Variants in ZNF831 observed in about 807,000 individuals in gnomAD.
ZNF831 encodes zinc finger protein 831.
Under a neutral mutation model 95.8 loss-of-function variants are expected in ZNF831, and 59 were observed. The observed-to-expected ratio is 0.62, with a 90% CI of 0.50 to 0.77. ZNF831 has a LOEUF of 0.77. Among genes scored for constraint, ZNF831 ranks in the 30% least tolerant of loss-of-function variants. The pLI, the probability that ZNF831 is intolerant of heterozygous loss-of-function variation, is 0.00. For synonymous variants in ZNF831, 961 were observed against 925.5 expected, an observed-to-expected ratio of 1.04 and a Z score of -0.70; for missense variants, 2,205 against 2,164.0, an observed-to-expected ratio of 1.02 and a Z score of -0.38.
upstream of ZNF831, among the ~76,000 whole-genome samples, chr20:59,159,421 C>A (rs959231449): frequency 2.6e-5 from 4 of 152,138 alleles, no homozygotes; most frequent in African/African-American, 7.2e-5. Context: ...CATGGATAAT[C>A]AAAAACGGGG....
chr20:59,176,847 T>TA (rs1982204872), intron 1 of ZNF831, among the ~76,000 whole-genome samples: 1 of 152,228 alleles, frequency 6.6e-6, no homozygotes, highest in African/African-American at 2.4e-5. Context: ...CCATCATCAA[T>TA]ACAATATTCT....
chr20:59,221,799 T>A (rs1986091848), intron 4 of ZNF831, among the ~76,000 whole-genome samples: 2 of 152,208 alleles, frequency 1.3e-5, no homozygotes, highest in East Asian at 1.9e-4. Flanking sequence ...ACATTAGCGA[T>A]CATTTTCAGT....
intron 1 of ZNF831, among the ~76,000 whole-genome samples, chr20:59,140,429 A>G (rs913812981): frequency 6.6e-6 from 1 of 152,348 alleles, no homozygotes; most frequent in African/African-American, 2.4e-5. Flanking sequence ...CCATGGGAAC[A>G]GTAAACCACA....
intron 2 of ZNF831, among the ~76,000 whole-genome samples, chr20:59,153,113 C>T (rs1239229825): frequency 2.6e-5 from 4 of 152,014 alleles, no homozygotes; most frequent in Non-Finnish European, 5.9e-5. Flanking sequence ...ATCCTCAGTC[C>T]AACAGACTCA....
chr20:59,144,575 T>C (rs926219903), intron 1 of ZNF831, among the ~76,000 whole-genome samples: 10 of 152,222 alleles, frequency 6.6e-5, no homozygotes, highest in Middle Eastern at 3.2e-3. Context: ...TTAACCCATT[T>C]TCATATGAGG....
In ZNF831 at chr20:59,192,831, C is replaced by A. The variant is rs2146572761; in HGVS notation, c.1812C>A (p.Gly604=). The stretch of plus-strand genomic sequence containing the variant: ...TGGCCGGCAAGGGCAGAGCGGGCGG[C>A]AGGAAGTGCGGCCAGAGAAGGCTGA... ...EAMAGKGRAG[G]RKCGQRRLKM... The change falls in exon 2 of 6, where the codon GGC becomes GGA. Residue 604 remains glycine (G), a synonymous_variant. Coordinates refer to ENST00000371030, the MANE Select transcript of ZNF831 (RefSeq NM_178457.3). The surrounding 1 kb of genome is among the most constrained non-coding windows in gnomAD (Gnocchi z 5.2). 6.2e-7 allele frequency: 1 copy of A among 1,607,858 alleles called. No homozygotes were observed. Among genetic ancestry groups the A allele is most frequent in the Non-Finnish European group, 8.5e-7 (1 of 1,177,354 alleles).
Position 59,191,271 on chromosome 20 carries a change from G to C in ZNF831, c.252G>C (p.Gly84=), listed in dbSNP as rs370779472. The C allele has an allele frequency of 1.5e-5, 23 of 1,559,490 alleles. No homozygotes were observed. The highest frequency in any genetic ancestry group is 2.0e-5 in the Non-Finnish European group (23 of 1,153,068). The part of the protein sequence containing the change: ...RAPLVTGSLD[G]GNVPFILSPV... ...CGCTAGTGACGGGCAGCCTAGATGGGGGCAACGTGCCCTTCATACTCAGCC... is the reference window on the plus strand; with the variant it reads ...CGCTAGTGACGGGCAGCCTAGATGGCGGCAACGTGCCCTTCATACTCAGCC... The change falls in exon 2 of 6, where the codon GGG becomes GGC. Residue 84 remains glycine, a synonymous_variant. Transcript: ENST00000371030.
intron 1 of ZNF831, among the ~76,000 whole-genome samples, chr20:59,131,245 A>G (rs902830956): frequency 6.6e-6 from 1 of 152,150 alleles, no homozygotes; most frequent in East Asian, 1.9e-4. Flanking sequence ...ATCAGTACCC[A>G]AGTCACCATT....
At chr20:59,130,823 A>G (rs1979328467) in intron 1 of ZNF831, among the ~76,000 whole-genome samples, 1 of 151,948 alleles carries the variant, frequency 6.6e-6, no homozygotes, top group African/African-American at 2.4e-5. Context: ...CTCTGCTTTC[A>G]GGACTCAGGA....
chr20:59,192,022 C>G lies in ZNF831; in HGVS notation c.1003C>G (p.Arg335Gly), dbSNP rs200257836. 6.2e-7 allele frequency: 1 copy of G among 1,608,532 alleles called. No homozygotes were observed. The highest frequency in any genetic ancestry group is 8.5e-7 in the Non-Finnish European group (1 of 1,178,820). The change falls in exon 2 of 6, where the codon CGG becomes GGG. Residue 335 changes from arginine (R) to glycine (G), a missense_variant. Arg to Gly is a moderately radical substitution (Grantham distance 125). Transcript: ENST00000371030. The surrounding 1 kb of genome is among the most constrained non-coding windows in gnomAD (Gnocchi z 5.2). ...KPWDAKAPEGRLRKCESTDSG... is the reference protein window; with the variant it reads ...KPWDAKAPEGGLRKCESTDSG... ...CTGGGATGCCAAGGCCCCCGAGGGC[C>G]GGCTGCGGAAGTGTGAGAGCACCGA...
At chr20:59,179,570 C>T (rs1982444760) in intron 1 of ZNF831, among the ~76,000 whole-genome samples, 1 of 152,098 alleles carries the variant, frequency 6.6e-6, no homozygotes, top group Non-Finnish European at 1.5e-5. Flanking sequence ...AGGGAGGGTC[C>T]TTCCTGGCCT....
chr20:59,172,689 C>T (rs991142097), intron 1 of ZNF831, among the ~76,000 whole-genome samples: 1 of 152,124 alleles, frequency 6.6e-6, no homozygotes, highest in African/African-American at 2.4e-5. Flanking sequence ...TTCAGTCAAC[C>T]AACCTAGGAA....
Position 59,193,600 on chromosome 20 carries a change from G to A in ZNF831, c.2581G>A (p.Asp861Asn), listed in dbSNP as rs61743779. Residue 861 changes from aspartate to asparagine, a missense_variant, in exon 2 of 6, where the codon GAT becomes AAT. Transcript: ENST00000371030. ...ASLSSQKQDA[D>N]PGEVPGGSKE... ...TTTGTCATCCCAGAAGCAGGATGCC[G>A]ATCCCGGGGAGGTGCCAGGGGGCTC... 13,484 of 1,611,928 alleles carry A rather than the reference G, an allele frequency of 8.4e-3. 73 individuals carry two copies. Among genetic ancestry groups the A allele is most frequent in the Non-Finnish European group, 0.01 (11,913 of 1,179,244 alleles).
At chr20:59,138,164 G>A (rs577298116) in intron 1 of ZNF831, among the ~76,000 whole-genome samples, 2 of 152,182 alleles carry the variant, frequency 1.3e-5, no homozygotes, top group East Asian at 3.8e-4. Flanking sequence ...CCACATTCTG[G>A]CATTGCAATG....
intron 1 of ZNF831, among the ~76,000 whole-genome samples, chr20:59,145,443 T>C (rs1175405437): frequency 2.0e-5 from 3 of 152,232 alleles, no homozygotes; most frequent in Non-Finnish European, 4.4e-5. Flanking sequence ...TAATGTGCTC[T>C]ATGATTATTC....
upstream of ZNF831, among the ~76,000 whole-genome samples, chr20:59,161,368 C>G (rs1384877065): frequency 6.6e-6 from 1 of 151,932 alleles, no homozygotes; most frequent in East Asian, 1.9e-4. Flanking sequence ...ACCTCTGGCT[C>G]CTGGGTTCAA....
chr20:59,125,551 A>G (rs570358862), intron 1 of ZNF831, among the ~76,000 whole-genome samples: 2 of 152,220 alleles, frequency 1.3e-5, no homozygotes, highest in South Asian at 2.1e-4. Flanking sequence ...TTTTTGTCCA[A>G]CGTGTTCTGT....
intron 1 of ZNF831, among the ~76,000 whole-genome samples, chr20:59,179,155 C>A (rs1380932608): frequency 6.6e-6 from 1 of 152,230 alleles, no homozygotes; most frequent in Admixed American, 6.5e-5. Context: ...CAGGACAGTG[C>A]AGCCCTGGGG....
chr20:59,230,193 T>A (rs187822558), intron 4 of ZNF831, among the ~76,000 whole-genome samples: 2 of 152,348 alleles, frequency 1.3e-5, no homozygotes, highest in African/African-American at 4.8e-5. Flanking sequence ...AAAGACCAGA[T>A]AATTAAATTT....
Sources: allele counts gnomAD v4.1 joint callset (sites outside exome capture counted in the v4.1 genomes callset), GRCh38; gene constraint gnomAD v4.1.1; non-coding constraint Gnocchi (gnomAD v3.1); transcripts MANE v1.5; gene names NCBI Gene and HGNC (gene_info 2026-07-23, HGNC 2026-07-21).